The following NRXN3 variants were observed in gnomAD, a reference collection of about 807,000 sequenced individuals.
The protein encoded by NRXN3 is neurexin III.
NRXN3 carries 32 observed loss-of-function variants against 137.6 expected under a neutral mutation model. The observed-to-expected ratio is 0.23, with a 90% CI of 0.18 to 0.31. The LOEUF is 0.31. Ranked by LOEUF, NRXN3 falls within the 10% of genes least tolerant of loss-of-function variation. The probability of loss-of-function intolerance (pLI) is 1.00; values close to 1 mark genes in which losing one functional copy is unlikely to be tolerated. For synonymous variants in NRXN3, 798 were observed against 784.5 expected, an observed-to-expected ratio of 1.02 and a Z score of -0.29; for missense variants, 1,574 against 2,062.5, an observed-to-expected ratio of 0.76 and a Z score of 4.59.
At chr14:78,362,399 A>G (rs556437038) in intron 4 of NRXN3, among the ~76,000 whole-genome samples, 5 of 152,200 alleles carry the variant, frequency 3.3e-5, no homozygotes, top group African/African-American at 1.2e-4. Context: ...TCTTTGTGGA[A>G]TATTTGCCTA....
chr14:79,153,087 G>T (rs2059948241), intron 15 of NRXN3, among the ~76,000 whole-genome samples: 1 of 151,934 alleles, frequency 6.6e-6, no homozygotes, highest in African/African-American at 2.4e-5. Context: ...ATTTGGGAAG[G>T]ATGGGCAAGG....
intron 2 of NRXN3, among the ~76,000 whole-genome samples, chr14:78,272,578 C>T (rs953165554): frequency 5.9e-5 from 9 of 152,174 alleles, no homozygotes; most frequent in African/African-American, 1.2e-4. Context: ...CTCAGGCCTA[C>T]GGCATTACTG....
intron 8 of NRXN3, among the ~76,000 whole-genome samples, chr14:78,798,956 C>T (rs970006878): frequency 1.3e-5 from 2 of 152,192 alleles, no homozygotes; most frequent in Non-Finnish European, 2.9e-5. Context: ...GGCTCAGCCA[C>T]AAACAAAACC....
chr14:79,585,947 A>G (rs976533496), intron 16 of NRXN3, among the ~76,000 whole-genome samples: 2 of 152,214 alleles, frequency 1.3e-5, no homozygotes, highest in Non-Finnish European at 2.9e-5. Flanking sequence ...CTGTGCACAC[A>G]CATTGGCTTT....
intron 15 of NRXN3, among the ~76,000 whole-genome samples, chr14:79,222,020 C>T (rs893620660): frequency 3.3e-5 from 5 of 152,130 alleles, no homozygotes; most frequent in African/African-American, 1.2e-4. Flanking sequence ...AATCCTTTCC[C>T]CATTGCTTGT....
chr14:78,331,475 A>G (rs1448517818), intron 4 of NRXN3, among the ~76,000 whole-genome samples: 1 of 152,236 alleles, frequency 6.6e-6, no homozygotes, highest in Non-Finnish European at 1.5e-5. Flanking sequence ...GCAAACATGC[A>G]AAGCATCATG....
chr14:78,673,022 T>C (rs2097953582), intron 6 of NRXN3, among the ~76,000 whole-genome samples: 1 of 152,226 alleles, frequency 6.6e-6, no homozygotes, highest in Non-Finnish European at 1.5e-5. Flanking sequence ...TTTTCTCTAA[T>C]GAACAGCTTA....
intron 15 of NRXN3, among the ~76,000 whole-genome samples, chr14:79,301,495 G>T (rs539665813): frequency 6.6e-6 from 1 of 151,944 alleles, no homozygotes; most frequent in Non-Finnish European, 1.5e-5. Context: ...CTGTCATCTC[G>T]GTAGTTATTG....
At chr14:79,306,400 CTG>C (rs1457108378) in intron 15 of NRXN3, among the ~76,000 whole-genome samples, 1 of 151,972 alleles carries the variant, frequency 6.6e-6, no homozygotes, top group Non-Finnish European at 1.5e-5. Flanking sequence ...ATCCAGCACT[CTG>C]TGTTTTTAAA....
chr14:79,307,693 G>C (rs2086332576), intron 15 of NRXN3, among the ~76,000 whole-genome samples: 1 of 152,124 alleles, frequency 6.6e-6, no homozygotes, highest in South Asian at 2.1e-4. Context: ...TCGTTCTCCA[G>C]CAATGTCTGA....
intron 15 of NRXN3, among the ~76,000 whole-genome samples, chr14:79,445,548 GA>G (rs1317115861): frequency 1.3e-5 from 2 of 152,156 alleles, no homozygotes; most frequent in African/African-American, 4.8e-5. Flanking sequence ...TCATGGGATA[GA>G]AAATTACCAC....
chr14:79,257,421 GTGA>G (rs2076797974), intron 15 of NRXN3, among the ~76,000 whole-genome samples: 13 of 74,734 alleles, frequency 1.7e-4, no homozygotes, highest in Admixed American at 3.1e-4. Context: ...GGTGATGGTG[GTGA>G]TGGTGGTGGT....
intron 4 of NRXN3, 98 bp from the exon 5 acceptor site, chr14:78,645,022 C>A: frequency 9.4e-7 from 1 of 1,063,580 alleles, no homozygotes; most frequent in Non-Finnish European, 1.3e-6. Context: ...AGCACAAGAA[C>A]GGGGCAGTGC....
At chr14:79,122,838 G>C (rs2055686774) in intron 15 of NRXN3, among the ~76,000 whole-genome samples, 1 of 152,134 alleles carries the variant, frequency 6.6e-6, no homozygotes, top group African/African-American at 2.4e-5. Flanking sequence ...TTTCTCACCT[G>C]TAAAATTCTG....
chr14:79,740,470 C>A (rs1374284448), intron 19 of NRXN3, among the ~76,000 whole-genome samples: 4 of 151,622 alleles, frequency 2.6e-5, no homozygotes, highest in Admixed American at 6.6e-5. Flanking sequence ...TCTTTTCAAC[C>A]GTCTCTCTGG....
chr14:79,222,298 A>G (rs780007197), intron 15 of NRXN3, among the ~76,000 whole-genome samples: 5 of 152,094 alleles, frequency 3.3e-5, no homozygotes, highest in Admixed American at 6.6e-5. Flanking sequence ...AAGAAATTCA[A>G]TGGTAGCTTG....
At chr14:79,374,950 C>T (rs2094217345) in intron 15 of NRXN3, among the ~76,000 whole-genome samples, 1 of 152,064 alleles carries the variant, frequency 6.6e-6, no homozygotes, top group East Asian at 1.9e-4. Context: ...TTTCCATGAA[C>T]AGCAGCATCC....
intron 15 of NRXN3, among the ~76,000 whole-genome samples, chr14:79,027,229 G>A (rs2099600170): frequency 6.6e-6 from 1 of 151,602 alleles, no homozygotes; most frequent in Admixed American, 6.6e-5. Flanking sequence ...CCTACCAGAT[G>A]TTGGGAGGAA....
intron 4 of NRXN3, among the ~76,000 whole-genome samples, chr14:78,364,420 A>G (rs987743654): frequency 3.9e-5 from 6 of 152,216 alleles, no homozygotes; most frequent in African/African-American, 1.2e-4. Flanking sequence ...TTTCAAAAAC[A>G]AGGCGTGCCT....
Sources: allele counts gnomAD v4.1 joint callset (sites outside exome capture counted in the v4.1 genomes callset), GRCh38; gene constraint gnomAD v4.1.1; transcripts MANE v1.5; gene names NCBI Gene and HGNC (gene_info 2026-07-23, HGNC 2026-07-21).